The following FMO1 variants were observed in gnomAD, a reference collection of about 807,000 sequenced individuals.
FMO1 encodes flavin-containing monooxygenase 1.
Under a neutral mutation model 45.4 loss-of-function variants are expected in FMO1, and 36 were observed. The ratio of observed to expected loss-of-function variants is 0.79; its 90% CI spans 0.61 to 1.05. The LOEUF is 1.05. FMO1 is among the 50% of genes least tolerant of loss of function. FMO1 has a pLI of 0.00. For synonymous variants in FMO1, 228 were observed against 227.2 expected (o/e 1.00, Z -0.03); for missense variants, 615 against 640.3 (o/e 0.96, Z 0.43).
chr1:171,282,464 A>C, intron 7 of FMO1, 131 bp downstream of exon 7: 1 of 636,712 alleles, frequency 1.6e-6, no homozygotes, highest in East Asian at 2.7e-5. Flanking sequence ...GATGCATTCT[A>C]TTGTTTGCTG....
At chr1:171,266,179 C>G (rs1012885593) in intron 2 of FMO1, among the ~76,000 whole-genome samples, 4 of 152,160 alleles carry the variant, frequency 2.6e-5, no homozygotes, top group African/African-American at 4.8e-5. Context: ...GACTAGTACA[C>G]AACTCAAACT....
intron 2 of FMO1, among the ~76,000 whole-genome samples, chr1:171,261,231 A>C (rs1199969549): frequency 6.6e-6 from 1 of 152,102 alleles, no homozygotes; most frequent in Non-Finnish European, 1.5e-5. Flanking sequence ...TAAACTAGGC[A>C]ATCTTGAAGG....
chr1:171,283,245 T>A (rs1488393642), intron 8 of FMO1, 29 bp downstream of exon 8: 2 of 594,984 alleles, frequency 3.4e-6, no homozygotes, highest in East Asian at 6.8e-5. Context: ...GCACCCTTTT[T>A]AAATTATAAC....
intron 6 of FMO1, 100 bp from the exon 7 acceptor site, chr1:171,281,878 C>A (rs1310196160): frequency 3.0e-6 from 2 of 664,258 alleles, no homozygotes; most frequent in African/African-American, 1.8e-5. Context: ...CTTGTCCAAC[C>A]AAGGAGAGAG....
intron 5 of FMO1, 113 bp downstream of exon 5, chr1:171,278,984 C>T: frequency 1.3e-6 from 1 of 771,384 alleles, no homozygotes; most frequent in Non-Finnish European, 1.8e-6. Flanking sequence ...CACATGCAAA[C>T]AACAGATTAC....
intron 3 of FMO1, chr1:171,271,573 A>C: frequency 3.7e-6 from 3 of 802,116 alleles, no homozygotes; most frequent in South Asian, 1.3e-5. Flanking sequence ...GGCTTCTTAG[A>C]ATCTCCTTTG....
intron 5 of FMO1, 49 bp downstream of exon 5, chr1:171,278,920 C>T (rs1317471453): frequency 6.8e-7 from 1 of 1,470,798 alleles, no homozygotes; most frequent in East Asian, 2.4e-5. Flanking sequence ...AAGATGCATG[C>T]CTCAAGCAAA....
intron 4 of FMO1, 44 bp downstream of exon 4, chr1:171,275,552 C>T: frequency 7.1e-7 from 1 of 1,413,654 alleles, no homozygotes; most frequent in Non-Finnish European, 9.9e-7. Flanking sequence ...CTCGTGGGAG[C>T]CATTCTGATG....
At chr1:171,274,328 A>G (rs1452654184) in intron 3 of FMO1, among the ~76,000 whole-genome samples, 1 of 151,008 alleles carries the variant, frequency 6.6e-6, no homozygotes, top group East Asian at 2.0e-4. Context: ...TGACACTATC[A>G]TGGCTCACTG....
Position 171,258,188 on chromosome 1 carries a change from G to C in FMO1, c.101G>C (p.Ser34Thr), listed in dbSNP as rs1316051342. The change falls in exon 2 of 9, where the codon AGC (serine) becomes ACC (threonine). Residue 34 changes from serine to threonine, a missense_variant. Transcript: ENST00000617670. ...CTGGAGCCCACCTGCTTTGAGAGGAGCGATGACCTTGGGGGGCTGTGGAGA... is the reference window on the plus strand; with the variant it reads ...CTGGAGCCCACCTGCTTTGAGAGGACCGATGACCTTGGGGGGCTGTGGAGA... ...EGLEPTCFERSDDLGGLWRFT... is the reference protein window; with the variant it reads ...EGLEPTCFERTDDLGGLWRFT... The C allele has an allele frequency of 6.2e-7, 1 of 1,614,074 alleles. No individual in the cohort carries two copies. The highest frequency in any genetic ancestry group is 8.5e-7 in the Non-Finnish European group (1 of 1,180,038).
intron 2 of FMO1, among the ~76,000 whole-genome samples, chr1:171,265,678 A>G (rs1660589897): frequency 6.6e-6 from 1 of 152,154 alleles, no homozygotes; most frequent in South Asian, 2.1e-4. Context: ...GCAGTTCTCC[A>G]TGTTAAACAC....
intron 1 of FMO1, among the ~76,000 whole-genome samples, chr1:171,256,079 C>A (rs1401435210): frequency 6.6e-6 from 1 of 152,022 alleles, no homozygotes; most frequent in Non-Finnish European, 1.5e-5. Context: ...CAAGACCATC[C>A]TGGCTAACAT....
rs17515666 is a variant in FMO1, at chr1:171,248,516, T to C, written c.-114T>C. On this transcript the variant is annotated 5_prime_UTR_variant, in exon 1 of 9. Coordinates refer to ENST00000617670, the MANE Select transcript of FMO1 (RefSeq NM_001282693.2). ...CTTAGACCAGGTTTATCCACTGTGC[T>C]GGGGACTCCCAAGCCAGCACTGGCT... 22 of 152,336 alleles carry C rather than the reference T, an allele frequency of 1.4e-4. 1 individual carries two copies. In the East Asian group the frequency reaches 4.3e-3, roughly 29 times the overall value. 9.4% of individuals were successfully genotyped at this position (152,336 alleles called of 1,614,324 possible).
At chr1:171,281,832 C>T (rs757250040) in intron 6 of FMO1, 146 bp from the exon 7 acceptor site, 6 of 587,690 alleles carry the variant, frequency 1.0e-5, no homozygotes, top group Non-Finnish European at 1.8e-5. Context: ...GAATCCCCTT[C>T]CACTGAAGTA....
At chr1:171,249,618 G>T (rs1659791031) in intron 1 of FMO1, among the ~76,000 whole-genome samples, 1 of 152,078 alleles carries the variant, frequency 6.6e-6, no homozygotes, top group African/African-American at 2.4e-5. Context: ...CCCACTTGAG[G>T]ATAGGGTATC....
chr1:171,285,143 G>C, intron 8 of FMO1, 59 bp from the exon 9 acceptor site: 1 of 1,188,112 alleles, frequency 8.4e-7, no homozygotes, highest in Non-Finnish European at 1.2e-6. Flanking sequence ...ACTTGTACTT[G>C]TTCTAAGATT....
intron 8 of FMO1, 76 bp downstream of exon 8, chr1:171,283,292 A>AGGAAAAG (rs1661463979): frequency 1.7e-6 from 1 of 580,632 alleles, no homozygotes; most frequent in African/African-American, 3.4e-5. Context: ...AAAAAAAAAA[A>AGGAAAAG]AAAAAGGAAA....
intron 2 of FMO1, among the ~76,000 whole-genome samples, chr1:171,262,425 T>C (rs1660415069): frequency 6.6e-6 from 1 of 152,192 alleles, no homozygotes. Flanking sequence ...CCCTGTAACA[T>C]TTGCTGGGGC....
chr1:171,265,317 G>C (rs1371528925), intron 2 of FMO1, among the ~76,000 whole-genome samples: 1 of 151,832 alleles, frequency 6.6e-6, no homozygotes, highest in African/African-American at 2.4e-5. Context: ...CATGAACCCG[G>C]GAGGCAGAGC....
Sources: allele counts gnomAD v4.1 joint callset (sites outside exome capture counted in the v4.1 genomes callset), GRCh38; gene constraint gnomAD v4.1.1; transcripts MANE v1.5; gene names NCBI Gene and HGNC (gene_info 2026-07-23, HGNC 2026-07-21).